The following CTNNA3 variants were observed in gnomAD, a reference collection of about 807,000 sequenced individuals.
CTNNA3 encodes catenin alpha 3.
A neutral mutation model predicts 95.7 loss-of-function variants in CTNNA3; 76 were observed. The observed-to-expected ratio is 0.79, with a 90% confidence interval of 0.66 to 0.96. The LOEUF is 0.96. CTNNA3 is among the 40% of genes least tolerant of loss of function. The pLI is 0.00. For missense variants in CTNNA3, 1,191 were observed against 1,089.8 expected (o/e 1.09, Z -1.31); for synonymous variants, 431 against 374.4 (o/e 1.15, Z -1.74).
chr10:66,230,933 G>C (rs1312576990), intron 13 of CTNNA3, among the ~76,000 whole-genome samples: 1 of 152,168 alleles, frequency 6.6e-6, no homozygotes, highest in Non-Finnish European at 1.5e-5. Flanking sequence ...TGGTAGATGA[G>C]GTGGAAGGTC....
intron 13 of CTNNA3, among the ~76,000 whole-genome samples, chr10:66,220,371 G>A (rs906367252): frequency 6.6e-6 from 1 of 152,116 alleles, no homozygotes; most frequent in East Asian, 1.9e-4. Flanking sequence ...TACTCAGCCG[G>A]TAGTTCTCAA....
chr10:67,546,666 T>G (rs981010882), intron 3 of CTNNA3, among the ~76,000 whole-genome samples: 1 of 152,160 alleles, frequency 6.6e-6, no homozygotes, highest in African/African-American at 2.4e-5. Flanking sequence ...ATAATTATTC[T>G]CTATTGAATT....
chr10:66,858,170 T>C (rs1346077631), intron 7 of CTNNA3, among the ~76,000 whole-genome samples: 4 of 152,160 alleles, frequency 2.6e-5, no homozygotes, highest in Non-Finnish European at 5.9e-5. Flanking sequence ...TTTGTGGTAT[T>C]TGTCTTTATC....
intron 7 of CTNNA3, among the ~76,000 whole-genome samples, chr10:66,966,276 C>A (rs933250911): frequency 6.6e-6 from 1 of 152,000 alleles, no homozygotes; most frequent in African/African-American, 2.4e-5. Flanking sequence ...TATGTGTAGA[C>A]AATTAAATTA....
At chr10:66,779,280 A>G (rs1231395569) in intron 7 of CTNNA3, among the ~76,000 whole-genome samples, 1 of 151,870 alleles carries the variant, frequency 6.6e-6, no homozygotes, top group Non-Finnish European at 1.5e-5. Context: ...TAGTATAAAT[A>G]CCTCTCTTTT....
In CTNNA3 at chr10:65,966,681, G is replaced by A; in HGVS notation, c.2331C>T (p.His777=). ...AYLEQIKFYS[H]QLKICSQVKA... ...TAACTTGACTGCAGATTTTCAGTTGGTGGGAGTAGAACTTAATCTGTTCCA... is the reference window on the plus strand; with the variant it reads ...TAACTTGACTGCAGATTTTCAGTTGATGGGAGTAGAACTTAATCTGTTCCA... Residue 777 remains histidine, a synonymous_variant, in exon 17 of 18, where the codon CAC becomes CAT. Transcript: ENST00000433211. The A allele has an allele frequency of 2.5e-6, 4 of 1,613,782 alleles. No individual in the cohort carries two copies. The highest frequency in any genetic ancestry group is 3.4e-6 in the Non-Finnish European group (4 of 1,179,734).
At chr10:66,543,171 C>G (rs894998525) in intron 10 of CTNNA3, among the ~76,000 whole-genome samples, 2 of 152,088 alleles carry the variant, frequency 1.3e-5, no homozygotes, top group African/African-American at 2.4e-5. Context: ...TCACTGCAAT[C>G]AATCCCTGCC....
intron 2 of CTNNA3, among the ~76,000 whole-genome samples, chr10:67,628,345 A>G: frequency 6.6e-6 from 1 of 151,828 alleles, no homozygotes; most frequent in East Asian, 1.9e-4. Context: ...ATCTCTGTCA[A>G]ACTGTCAAAG....
At chr10:67,078,483 A>G (rs1856853523) in intron 7 of CTNNA3, among the ~76,000 whole-genome samples, 2 of 152,066 alleles carry the variant, frequency 1.3e-5, no homozygotes, top group Admixed American at 1.3e-4. Context: ...CAAGGCAATT[A>G]TTATGATTTA....
rs904635607 is a variant in CTNNA3, at chr10:65,966,865, C to A, written c.2266-119G>T. 1.7e-5 allele frequency: 11 copies of A among 665,730 alleles called. No individual in the cohort carries two copies. In the Admixed American group the frequency reaches 2.1e-4, roughly 12 times the overall value. The allele number at this position is 665,730 out of a possible 1,614,324, so 41.2% of individuals were successfully genotyped here. A position where few individuals can be genotyped will look rare whatever the true frequency, so the allele number is the denominator to read the frequency against. On this transcript the variant is annotated intron_variant, in intron 16 of 17. Transcript: ENST00000433211. ...ATAAAGCAGCAATTTTATTTTCATA[C>A]AGGACCAAGTAGCTTCTGATATGCT...
intron 14 of CTNNA3, among the ~76,000 whole-genome samples, chr10:66,094,559 A>G (rs565026241): frequency 6.6e-6 from 1 of 152,124 alleles, no homozygotes; most frequent in South Asian, 2.1e-4. Context: ...CCAAGATGGC[A>G]TGAATGTTCC....
At chr10:66,104,402 T>A (rs1286067939) in intron 13 of CTNNA3, among the ~76,000 whole-genome samples, 2 of 152,218 alleles carry the variant, frequency 1.3e-5, no homozygotes, top group African/African-American at 2.4e-5. Context: ...TTAACAAGAA[T>A]TAGCCTAGTA....
chr10:67,088,890 T>A (rs1387150219), intron 7 of CTNNA3, among the ~76,000 whole-genome samples: 1 of 151,834 alleles, frequency 6.6e-6, no homozygotes, highest in Admixed American at 6.6e-5. Flanking sequence ...CTCAACTAAC[T>A]GCAAATTGAA....
chr10:67,558,364 C>T (rs961821160), intron 3 of CTNNA3, among the ~76,000 whole-genome samples: 7 of 152,204 alleles, frequency 4.6e-5, no homozygotes, highest in Admixed American at 1.3e-4. Flanking sequence ...TCCACCCACC[C>T]CTTTTTCTCT....
At chr10:66,044,710 G>GAATTTTA (rs1272374013) in intron 15 of CTNNA3, among the ~76,000 whole-genome samples, 36 of 152,218 alleles carry the variant, frequency 2.4e-4, no homozygotes, top group African/African-American at 8.2e-4. Context: ...ATTCTGTAAA[G>GAATTTTA]AATTTTAAAT....
chr10:66,730,463 G>A (rs149708403), intron 9 of CTNNA3, among the ~76,000 whole-genome samples: 1 of 152,132 alleles, frequency 6.6e-6, no homozygotes, highest in African/African-American at 2.4e-5. Context: ...GCATGGGGTG[G>A]GGACAGGGAG....
chr10:67,179,281 A>G (rs1332467310), intron 7 of CTNNA3, among the ~76,000 whole-genome samples: 8 of 152,010 alleles, frequency 5.3e-5, no homozygotes, highest in African/African-American at 1.9e-4. Context: ...GAATCTTCAT[A>G]ATCAATATAT....
At chr10:67,312,882 C>A (rs1224866091) in intron 5 of CTNNA3, among the ~76,000 whole-genome samples, 2 of 152,112 alleles carry the variant, frequency 1.3e-5, no homozygotes, top group Non-Finnish European at 2.9e-5. Flanking sequence ...AATAGACAAT[C>A]ATTTATGAAG....
chr10:67,629,334 T>C (rs1296197379), intron 2 of CTNNA3, among the ~76,000 whole-genome samples: 4 of 151,304 alleles, frequency 2.6e-5, no homozygotes, highest in African/African-American at 9.8e-5. Context: ...TTGAAGCCAC[T>C]AGGACATGGC....
Sources: allele counts gnomAD v4.1 joint callset (sites outside exome capture counted in the v4.1 genomes callset), GRCh38; gene constraint gnomAD v4.1.1; transcripts MANE v1.5; gene names NCBI Gene and HGNC (gene_info 2026-07-23, HGNC 2026-07-21).